GUCY2F: variants seen among roughly 807,000 people sequenced by gnomAD.
The protein encoded by GUCY2F is guanylate cyclase 2F, retinal.
In GUCY2F, 61 loss-of-function variants were observed where a neutral mutation model predicts 73.1. The ratio of observed to expected loss-of-function variants is 0.83; its 90% confidence interval spans 0.68 to 1.03. The LOEUF (loss-of-function observed/expected upper bound fraction) is 1.03. GUCY2F is among the 50% of genes least tolerant of loss of function. GUCY2F has a pLI of 0.00. For synonymous variants in GUCY2F, 331 were observed against 307.8 expected (o/e 1.08, Z -0.79); for missense variants, 912 against 854.3 (o/e 1.07, Z -0.84).
At chrX:109,397,190 G>A (rs1014942911) in intron 11 of GUCY2F, among the ~76,000 whole-genome samples, 1 of 111,295 alleles carries the variant, frequency 9.0e-6, no homozygotes, top group African/African-American at 3.3e-5. Context: ...CACAGAGATG[G>A]GAGAGACCAT....
At chrX:109,458,964 T>A (rs1264859254) in intron 3 of GUCY2F, among the ~76,000 whole-genome samples, 2 of 111,778 alleles carry the variant, frequency 1.8e-5, no homozygotes, top group African/African-American at 6.5e-5. Flanking sequence ...GCTTAATAAA[T>A]ACTTACTAAC....
In GUCY2F at chrX:109,475,535, TG is replaced by T; in HGVS notation, c.401del (p.Ala134GlufsTer19). ...IGPTNPGYCE[A>X]ASLLGNSWDK... ...CCCAGCTGTTTCCCAGGAGCGAGGCTGCCTCGCAGTAGCCAGGGTTGGTAGG... is the reference window on the plus strand; with the variant it reads ...CCCAGCTGTTTCCCAGGAGCGAGGCTCCTCGCAGTAGCCAGGGTTGGTAGG... On this transcript the variant is annotated frameshift_variant, in exon 2 of 20. Transcript: ENST00000218006. LOFTEE classifies it high-confidence loss of function. 8.3e-7 allele frequency: 1 copy of T among 1,210,119 alleles called. No individual in the cohort carries two copies. Among genetic ancestry groups the T allele is most frequent in the Non-Finnish European group, 1.1e-6 (1 of 893,961 alleles).
intron 8 of GUCY2F, 149 bp downstream of exon 8, chrX:109,430,158 G>T: frequency 2.2e-6 from 1 of 463,506 alleles, no homozygotes; most frequent in Non-Finnish European, 3.7e-6. Flanking sequence ...CTTTGCCATT[G>T]CATGATATGA....
At chrX:109,472,281 A>C (rs1603386311) in intron 2 of GUCY2F, among the ~76,000 whole-genome samples, 1 of 109,939 alleles carries the variant, frequency 9.1e-6, no homozygotes, top group Non-Finnish European at 1.9e-5. Flanking sequence ...AAAAAAAAAA[A>C]AACCTCCCAA....
chrX:109,469,692 A>G (rs1046680539), intron 2 of GUCY2F, among the ~76,000 whole-genome samples: 1 of 111,058 alleles, frequency 9.0e-6, no homozygotes, highest in Non-Finnish European at 1.9e-5. Flanking sequence ...CCCAAGTCTC[A>G]TCTTCTCTCA....
chrX:109,474,919 G>A (rs937115380), intron 2 of GUCY2F, among the ~76,000 whole-genome samples: 1 of 112,278 alleles, frequency 8.9e-6, no homozygotes, highest in Non-Finnish European at 1.9e-5. Context: ...AAGAAAGGAT[G>A]TATGGCTACA....
chrX:109,476,274 T>A (rs1932694436), intron 1 of GUCY2F, among the ~76,000 whole-genome samples: 1 of 111,498 alleles, frequency 9.0e-6, no homozygotes, highest in Admixed American at 9.5e-5. Flanking sequence ...TCCCCCACAT[T>A]CAATCTATCA....
intron 8 of GUCY2F, among the ~76,000 whole-genome samples, chrX:109,419,581 C>A (rs1429293321): frequency 9.1e-6 from 1 of 110,404 alleles, no homozygotes; most frequent in Non-Finnish European, 1.9e-5. Context: ...TCCTTTTCCT[C>A]TAAGGCCAGG....
Position 109,375,249 on chromosome X carries a change from G to C in GUCY2F, c.*1+649C>G, listed in dbSNP as rs7059636. Among the ~76,000 whole-genome samples, 888 of 110,818 alleles carry C rather than the reference G, an allele frequency of 8.0e-3. 8 individuals carry two copies. The highest frequency in any genetic ancestry group is 0.028 in the African/African-American group (841 of 30,519). On this transcript the variant is annotated intron_variant, in intron 19 of 19. Coordinates refer to ENST00000218006, the MANE Select transcript of GUCY2F (RefSeq NM_001522.3). ...CCAAGAACACAATGGATTCCTCAGA[G>C]ATAAATACCGATAAATATGTGGAGA...
Position 109,460,633 on chromosome X carries a change from C to G in GUCY2F, c.1032+4509G>C, listed in dbSNP as rs574277654. Among the ~76,000 whole-genome samples the G allele has an allele frequency of 2.7e-5, 3 of 111,500 alleles. No homozygotes were observed. In the Middle Eastern group the frequency reaches 0.014, roughly 511 times the overall value. ...TACAGGATGTGCTCCACAAAAATGACAGATTAAACCAAGAATATAGGTCAT... is the reference window on the plus strand; with the variant it reads ...TACAGGATGTGCTCCACAAAAATGAGAGATTAAACCAAGAATATAGGTCAT... On this transcript the variant is annotated intron_variant, in intron 3 of 19. Transcript: ENST00000218006.
intron 8 of GUCY2F, 53 bp from the exon 9 acceptor site, chrX:109,409,221 AC>A (rs1283119127): frequency 7.9e-6 from 5 of 636,375 alleles, no homozygotes; most frequent in Non-Finnish European, 1.0e-5. Flanking sequence ...TCAACTGGGG[AC>A]CACAGTTGAG....
chrX:109,470,367 C>A (rs997604713), intron 2 of GUCY2F, among the ~76,000 whole-genome samples: 1 of 111,516 alleles, frequency 9.0e-6, no homozygotes, highest in Non-Finnish European at 1.9e-5. Flanking sequence ...TACATTATAC[C>A]AAATCCTATA....
chrX:109,407,878 A>T (rs980315846), intron 9 of GUCY2F, among the ~76,000 whole-genome samples: 1 of 113,062 alleles, frequency 8.8e-6, no homozygotes, highest in Admixed American at 9.3e-5. Flanking sequence ...TGCCCAGGCA[A>T]AAGTTTGCTG....
In GUCY2F at chrX:109,475,640, A is replaced by T. The variant is rs1932675544; in HGVS notation, c.297T>A (p.Ile99=). The part of the protein sequence containing the change: ...FDLSYSFEYV[I]LNEDCQTSRA... ...TCGAAGTCTGGCAGTCTTCATTGAG[A>T]ATCACGTATTCAAAAGAATAACTCA... Residue 99 remains isoleucine, a synonymous_variant, in exon 2 of 20, where the codon ATT becomes ATA. Coordinates refer to ENST00000218006, the MANE Select transcript of GUCY2F (RefSeq NM_001522.3). 8.3e-7 allele frequency: 1 copy of T among 1,209,433 alleles called. No homozygotes were observed. The highest frequency in any genetic ancestry group is 1.1e-6 in the Non-Finnish European group (1 of 893,597).
At position 109,476,855 on chromosome X, in the gene GUCY2F, A is replaced by ATG. The variant is rs761161461; in HGVS notation, c.-85-836_-85-835dup. Among the ~76,000 whole-genome samples the ATG allele has an allele frequency of 2.3e-3, 249 of 109,678 alleles. 1 individual carries two copies. The highest frequency in any genetic ancestry group is 3.5e-3 in the Non-Finnish European group (184 of 52,627). On this transcript the variant is annotated intron_variant, in intron 1 of 19. Transcript: ENST00000218006. ...TATATATATGTGCGTGTATATATGTATGTGTGTGTGTGTATACATATATAT... is the reference window on the plus strand; with the variant it reads ...TATATATATGTGCGTGTATATATGTATGTGTGTGTGTGTGTATACATATATAT...
intron 2 of GUCY2F, among the ~76,000 whole-genome samples, chrX:109,470,765 C>T (rs1011303248): frequency 1.8e-5 from 2 of 111,561 alleles, no homozygotes; most frequent in Admixed American, 9.5e-5. Context: ...TTTAATAAGT[C>T]TTCCAGGGGA....
chrX:109,407,852 T>C (rs1490370551), intron 9 of GUCY2F, among the ~76,000 whole-genome samples: 2 of 112,895 alleles, frequency 1.8e-5, no homozygotes, highest in African/African-American at 6.4e-5. Context: ...TCAGAAGATG[T>C]ATGGGAATGC....
chrX:109,474,307 C>T (rs1046121389), intron 2 of GUCY2F, among the ~76,000 whole-genome samples: 6 of 111,546 alleles, frequency 5.4e-5, no homozygotes, highest in African/African-American at 2.0e-4. Context: ...GAATGAGCAG[C>T]GTTCCCATGA....
chrX:109,417,508 G>A (rs1240907347), intron 8 of GUCY2F, among the ~76,000 whole-genome samples: 1 of 110,931 alleles, frequency 9.0e-6, no homozygotes, highest in Non-Finnish European at 1.9e-5. Context: ...TGCCAATATA[G>A]GAAACAAAAC....
Sources: gnomAD v4.1 joint callset for allele counts (sites outside exome capture counted in the v4.1 genomes callset) on GRCh38, gnomAD v4.1.1 for gene constraint, MANE v1.5 for transcripts, NCBI Gene and HGNC (gene_info 2026-07-23, HGNC 2026-07-21) for gene names.